Variants in SUGP2 observed in about 807,000 individuals in gnomAD.
SUGP2 encodes the protein SURP and G-patch domain-containing protein 2.
SUGP2 carries 24 observed loss-of-function variants against 90.5 expected under a neutral mutation model. The ratio of observed to expected loss-of-function variants is 0.27; its 90% CI spans 0.19 to 0.37. SUGP2 has a LOEUF of 0.37. SUGP2 is among the 10% of genes least tolerant of loss of function. The pLI, the probability that SUGP2 is intolerant of heterozygous loss-of-function variation, is 1.00. For synonymous variants in SUGP2, 473 were observed against 513.4 expected (o/e 0.92, Z 1.06); for missense variants, 1,233 against 1,363.3 (o/e 0.90, Z 1.51).
At chr19:18,999,374 C>T (rs1179360756) in intron 8 of SUGP2, among the ~76,000 whole-genome samples, 1 of 152,154 alleles carries the variant, frequency 6.6e-6, no homozygotes, top group East Asian at 1.9e-4. Flanking sequence ...ACTGTACCTC[C>T]TACCTGCTGG....
chr19:18,995,140 G>C lies in SUGP2; in HGVS notation c.3128+4C>G. 4 of 1,611,898 alleles carry C rather than the reference G, an allele frequency of 2.5e-6. No homozygotes were observed. The South Asian group carries it at 4.4e-5, about 18-fold the overall frequency. On this transcript the variant is annotated splice_donor_region_variant and intron_variant, in intron 9 of 10. Transcript: ENST00000452918. ...ACTCCCACCCCAGGCTGCCTGCTGC[G>C]TACACGCTGACCGGCTCCCTGATGC... is the stretch of plus-strand genomic sequence containing the variant.
intron 5 of SUGP2, 40 bp from the exon 6 acceptor site, chr19:19,008,468 C>T (rs780146515): frequency 6.6e-7 from 1 of 1,505,410 alleles, no homozygotes; most frequent in Non-Finnish European, 9.2e-7. Flanking sequence ...GACTCCTGAG[C>T]TGCTGCTCCC....
chr19:19,004,316 C>A lies in SUGP2; in HGVS notation c.2781G>T (p.Glu927Asp), dbSNP rs774727602. The change falls in exon 7 of 11, where the codon GAG becomes GAT. Residue 927 changes from glutamate to aspartate, a missense_variant. By Grantham distance (45) the Glu-to-Asp change is conservative. Transcript: ENST00000452918. ...GSTPADGLPG[E>D]AAEDDLAGAP... ...CTCCAGCCAGGTCGTCCTCGGCAGC[C>A]TCGCCGGGAAGGCCGTCGGCAGGGG... 2 of 1,613,688 alleles carry A rather than the reference C, an allele frequency of 1.2e-6. No homozygotes were observed. Among genetic ancestry groups the A allele is most frequent in the Admixed American group, 3.3e-5 (2 of 60,010 alleles).
chr19:19,015,179 G>A (rs2058452663), intron 4 of SUGP2, among the ~76,000 whole-genome samples: 1 of 150,720 alleles, frequency 6.6e-6, no homozygotes, highest in South Asian at 2.1e-4. Context: ...TCCAGCCTGG[G>A]GGACAGAGCG....
At position 19,026,152 on chromosome 19, in the gene SUGP2, T is replaced by C; in HGVS notation, c.196A>G (p.Ser66Gly). 6.2e-7 allele frequency: 1 copy of C among 1,613,886 alleles called. No homozygotes were observed. Among genetic ancestry groups the C allele is most frequent in the Non-Finnish European group, 8.5e-7 (1 of 1,179,964 alleles). ...TCTCTAGAGTGAGCTACAGATCCACTGAGGGAGTATCTGCCATCGCTGTGG... is the reference window on the plus strand; with the variant it reads ...TCTCTAGAGTGAGCTACAGATCCACCGAGGGAGTATCTGCCATCGCTGTGG... ...DVHSDGRYSLSGSVAHSRDAG... is the reference protein window; with the variant it reads ...DVHSDGRYSLGGSVAHSRDAG... Residue 66 changes from serine (S) to glycine (G), a missense_variant, in exon 3 of 11, where the codon AGT becomes GGT. Transcript: ENST00000452918.
intron 7 of SUGP2, among the ~76,000 whole-genome samples, chr19:19,002,475 A>AT (rs928184738): frequency 8.9e-6 from 1 of 111,832 alleles, no homozygotes; most frequent in African/African-American, 3.3e-5. Flanking sequence ...ATTTTATTCT[A>AT]TTTTTTATGA....
chr19:19,026,140 C>T lies in SUGP2; in HGVS notation c.208G>A (p.Ala70Thr), dbSNP rs911704409. 6.2e-7 allele frequency: 1 copy of T among 1,613,976 alleles called. No homozygotes were observed. The highest frequency in any genetic ancestry group is 1.7e-5 in the Admixed American group (1 of 59,978). ...DGRYSLSGSV[A>T]HSRDAGREGL... is the part of the protein sequence containing the mutation. ...TCTCTTCCGGCATCTCTAGAGTGAGCTACAGATCCACTGAGGGAGTATCTG... is the reference window on the plus strand; with the variant it reads ...TCTCTTCCGGCATCTCTAGAGTGAGTTACAGATCCACTGAGGGAGTATCTG... The change falls in exon 3 of 11, where the codon GCT becomes ACT. Residue 70 changes from alanine to threonine, a missense_variant. Physicochemically the swap from Ala to Thr is moderately conservative, Grantham distance 58. Coordinates refer to ENST00000452918, the MANE Select transcript of SUGP2 (RefSeq NM_001017392.5).
chr19:19,008,210 A>G, intron 6 of SUGP2, 107 bp downstream of exon 6: 1 of 936,122 alleles, frequency 1.1e-6, no homozygotes, highest in Non-Finnish European at 1.8e-6. Flanking sequence ...AGGCTGAAAC[A>G]GGAGGATCAC....
chr19:19,019,991 C>CAAA (rs11434968), intron 3 of SUGP2, among the ~76,000 whole-genome samples: 1,142 of 34,786 alleles, frequency 0.033, 89 homozygotes, highest in African/African-American at 0.04. Flanking sequence ...TGCTAAAATA[C>CAAA]AAAAAAAAAA....
chr19:19,022,747 C>T (rs1416030591), intron 3 of SUGP2, among the ~76,000 whole-genome samples: 1 of 152,136 alleles, frequency 6.6e-6, no homozygotes, highest in Non-Finnish European at 1.5e-5. Flanking sequence ...CCTGAGCCTA[C>T]TTCTGGAAGG....
In SUGP2 at chr19:19,024,632, A is replaced by G. The variant is rs193049446; in HGVS notation, c.1716T>C (p.Ser572=). 2 of 1,613,792 alleles carry G rather than the reference A, an allele frequency of 1.2e-6. No individual in the cohort carries two copies. Among genetic ancestry groups the G allele is most frequent in the Admixed American group, 1.7e-5 (1 of 59,970 alleles). The change falls in exon 3 of 11, where the codon AGT becomes AGC. Residue 572 remains serine, a synonymous_variant. Coordinates refer to ENST00000452918, the MANE Select transcript of SUGP2 (RefSeq NM_001017392.5). ...TKPEIQAKAP[S]SLSDAVPQRA... ...TGATTTCCTTACCATCACTCAGACT[A>G]CTTGGAGCCTTGGCCTGAATTTCAG...
chr19:19,031,211 C>G, intron 1 of SUGP2, 129 bp from the exon 2 acceptor site: 1 of 911,976 alleles, frequency 1.1e-6, no homozygotes, highest in Non-Finnish European at 1.6e-6. Context: ...AGTTCGAGAC[C>G]AGCCTAGGCA....
chr19:19,016,778 G>A (rs1426970662), intron 4 of SUGP2, among the ~76,000 whole-genome samples: 2 of 152,126 alleles, frequency 1.3e-5, no homozygotes, highest in African/African-American at 2.4e-5. Flanking sequence ...GCTTAAATCA[G>A]TAATGTGCTT....
chr19:19,008,168 G>C, intron 6 of SUGP2, 149 bp downstream of exon 6: 1 of 718,648 alleles, frequency 1.4e-6, no homozygotes, highest in Non-Finnish European at 2.5e-6. Flanking sequence ...GCCAGTTGCA[G>C]TGGAGCACAC....
At chr19:18,999,137 T>A (rs1013072403) in intron 8 of SUGP2, among the ~76,000 whole-genome samples, 6 of 152,174 alleles carry the variant, frequency 3.9e-5, no homozygotes, top group African/African-American at 1.2e-4. Context: ...GGAAGTTTCT[T>A]CGTGAATGTT....
At chr19:19,009,206 C>A (rs536324818) in intron 5 of SUGP2, among the ~76,000 whole-genome samples, 26 of 152,292 alleles carry the variant, frequency 1.7e-4, no homozygotes, top group African/African-American at 5.5e-4. Context: ...AGCCACCACG[C>A]CCAGCTGATG....
chr19:19,019,991 C>CAAAAA (rs11434968), intron 3 of SUGP2, among the ~76,000 whole-genome samples: 16 of 34,836 alleles, frequency 4.6e-4, no homozygotes, highest in African/African-American at 1.3e-3. Context: ...TGCTAAAATA[C>CAAAAA]AAAAAAAAAA....
rs1299531093 is a variant in SUGP2, at chr19:19,025,392, A to G, written c.956T>C (p.Ile319Thr). 13 of 1,614,120 alleles carry G rather than the reference A, an allele frequency of 8.1e-6. No individual in the cohort carries two copies. Among genetic ancestry groups the G allele is most frequent in the East Asian group, 4.5e-5 (2 of 44,878 alleles). Reference sequence around the variant, plus strand: ...TCTTGAAAAAACATCAGACTTATCTATGATGTCAAAGCTCATCTTTCTTCT... The same window carrying G: ...TCTTGAAAAAACATCAGACTTATCTGTGATGTCAAAGCTCATCTTTCTTCT... The part of the protein sequence containing the change: ...LPRRKMSFDI[I>T]DKSDVFSRFG... The change falls in exon 3 of 11, where the codon ATA becomes ACA. Residue 319 changes from isoleucine (I) to threonine (T), a missense_variant. Transcript: ENST00000452918.
Position 19,008,402 on chromosome 19 carries a change from C to T in SUGP2, c.2365G>A (p.Glu789Lys), listed in dbSNP as rs369585673. 6.2e-7 allele frequency: 1 copy of T among 1,614,066 alleles called. No homozygotes were observed. The highest frequency in any genetic ancestry group is 1.3e-5 in the African/African-American group (1 of 74,924). ...TGAGCAACAAATCTAGCCAGTTTCT[C>T]TGCAGTCTCCATTGTCTTCATGTCA... is the stretch of plus-strand genomic sequence containing the variant. ...DIDMKTMETA[E>K]KLARFVAQVG... is the part of the protein sequence containing the mutation. The change falls in exon 6 of 11, where the codon GAG (glutamate) becomes AAG (lysine). Residue 789 changes from glutamate to lysine, a missense_variant. This residue lies in a region of SUGP2 where 540 missense variants were observed against 542.6 expected (regional missense o/e 1.00). Transcript: ENST00000452918.
Sources: gnomAD v4.1 joint callset for allele counts (sites outside exome capture counted in the v4.1 genomes callset) on GRCh38, gnomAD v4.1.1 for gene constraint, gnomAD v4.1.1 regional missense constraint, MANE v1.5 for transcripts, NCBI Gene and HGNC (gene_info 2026-07-23, HGNC 2026-07-21) for gene names.